Variants in PHEX observed in about 807,000 individuals in gnomAD.
The protein encoded by PHEX is phosphate regulating endopeptidase X-linked, also known as phosphate-regulating neutral endopeptidase PHEX.
In PHEX, 16 loss-of-function variants were observed where a neutral mutation model predicts 68.0. The ratio of observed to expected loss-of-function variants is 0.24; its 90% CI spans 0.16 to 0.36. The LOEUF is 0.36. Ranked by LOEUF, PHEX falls within the 10% of genes least tolerant of loss-of-function variation. The probability of loss-of-function intolerance (pLI) is 1.00; values close to 1 mark genes in which losing one functional copy is unlikely to be tolerated. For missense variants in PHEX, 480 were observed against 575.5 expected (o/e 0.83, Z 1.70); for synonymous variants, 208 against 205.1 (o/e 1.01, Z -0.12).
At chrX:22,229,092 T>A (rs752726321) in intron 20 of PHEX, among the ~76,000 whole-genome samples, 15 of 112,200 alleles carry the variant, frequency 1.3e-4, no homozygotes, top group Non-Finnish European at 2.4e-4. Context: ...CAGTATGCCA[T>A]GGTGTATATG....
At position 22,089,160 on chromosome X, in the gene PHEX, T is replaced by G. The variant is rs1189258801; in HGVS notation, c.664-1269T>G. Among the ~76,000 whole-genome samples, 7 of 111,487 alleles carry G rather than the reference T, an allele frequency of 6.3e-5. No homozygotes were observed. In the Admixed American group the frequency reaches 6.7e-4, roughly 11 times the overall value. ...CCTCAGCTTCCCAAGTAGCTAGAAT[T>G]ACAGGTGCGTGCCGCCACACCTGGC... On this transcript the variant is annotated intron_variant, in intron 5 of 21. Transcript: ENST00000379374.
At chrX:22,117,064 CAGA>C (rs780801951) in intron 11 of PHEX, among the ~76,000 whole-genome samples, 57 of 111,902 alleles carry the variant, frequency 5.1e-4, no homozygotes, top group African/African-American at 1.7e-3. Context: ...ACTGAGGCTC[CAGA>C]AGAAGGTCTT....
intron 9 of PHEX, among the ~76,000 whole-genome samples, chrX:22,100,719 A>G (rs1377408469): frequency 8.9e-6 from 1 of 112,104 alleles, no homozygotes. Flanking sequence ...AGGACCTTTC[A>G]TAACAATGGA....
At chrX:22,242,535 T>A (rs773994913) in intron 20 of PHEX, among the ~76,000 whole-genome samples, 30 of 111,885 alleles carry the variant, frequency 2.7e-4, no homozygotes, top group Non-Finnish European at 4.3e-4. Context: ...AACCCCATCG[T>A]CTCAGCCCAA....
intron 11 of PHEX, among the ~76,000 whole-genome samples, chrX:22,131,905 G>A (rs1932021479): frequency 9.1e-6 from 1 of 110,354 alleles, no homozygotes; most frequent in Non-Finnish European, 1.9e-5. Flanking sequence ...TCCTCACATT[G>A]CTGCCGGTGG....
chrX:22,161,135 C>CAA (rs201162046), intron 12 of PHEX, among the ~76,000 whole-genome samples: 1,189 of 103,339 alleles, frequency 0.012, 16 homozygotes, highest in African/African-American at 0.039. Context: ...GGCTCCACCT[C>CAA]AAAAAAAAAA....
chrX:22,215,204 T>G (rs927113727), intron 16 of PHEX, among the ~76,000 whole-genome samples: 1 of 111,404 alleles, frequency 9.0e-6, no homozygotes, highest in Non-Finnish European at 1.9e-5. Context: ...AGGTCATAGT[T>G]AATACTTGAG....
At chrX:22,211,731 G>C (rs1372144444) in intron 15 of PHEX, among the ~76,000 whole-genome samples, 1 of 112,416 alleles carries the variant, frequency 8.9e-6, no homozygotes, top group Non-Finnish European at 1.9e-5. Flanking sequence ...ACATACCTGA[G>C]ACTGGGTAAT....
chrX:22,078,420 G>T (rs1270521951), intron 5 of PHEX, among the ~76,000 whole-genome samples: 1 of 112,075 alleles, frequency 8.9e-6, no homozygotes, highest in Non-Finnish European at 1.9e-5. Context: ...GCTGGGTTTT[G>T]TTTTGTTTTG....
chrX:22,097,057 G>A lies in PHEX; in HGVS notation c.933+19G>A. 1 of 1,094,440 alleles carries A rather than the reference G, an allele frequency of 9.1e-7. No homozygotes were observed. The highest frequency in any genetic ancestry group is 1.8e-5 in the South Asian group (1 of 54,444). The allele number at this position is 1,094,440 out of a possible 1,213,427, so 90.2% of individuals were successfully genotyped here. ...TCCCCAGGTTGGTGAAAACTATCCA[G>A]AAAACTTTCTCTCAACTCATCATTT... On this transcript the variant is annotated intron_variant, in intron 8 of 21. Coordinates refer to ENST00000379374, the MANE Select transcript of PHEX (RefSeq NM_000444.6).
chrX:22,227,795 C>CTGAT (rs1403712303), intron 20 of PHEX, among the ~76,000 whole-genome samples, 184 bp downstream of exon 20: 5 of 112,400 alleles, frequency 4.4e-5, no homozygotes, highest in African/African-American at 1.6e-4. Context: ...AATTAATTAA[C>CTGAT]TGATTGAATC....
intron 9 of PHEX, among the ~76,000 whole-genome samples, chrX:22,109,543 G>A (rs1930861191): frequency 8.9e-6 from 1 of 111,949 alleles, no homozygotes; most frequent in Non-Finnish European, 1.9e-5. Flanking sequence ...TGTCCACTGT[G>A]TCAGAATGTC....
chrX:22,137,481 TGA>T (rs1179739724), intron 12 of PHEX, among the ~76,000 whole-genome samples: 1 of 111,018 alleles, frequency 9.0e-6, no homozygotes, highest in Non-Finnish European at 1.9e-5. Context: ...AGTGAGGTGG[TGA>T]GAGTTTTCTT....
chrX:22,105,614 C>T lies in PHEX; in HGVS notation c.1080-5853C>T, dbSNP rs765602860. 9.0e-4 allele frequency among the ~76,000 whole-genome samples: 101 copies of T among 111,669 alleles called. 1 individual carries two copies. The highest frequency in any genetic ancestry group is 1.1e-3 in the Non-Finnish European group (61 of 53,176). On this transcript the variant is annotated intron_variant, in intron 9 of 21. Transcript: ENST00000379374. ...CTCACTTCAGATAGTATGACCAAGA[C>T]GAGCAAATGCAAGTTCTGGAATCTG...
intron 8 of PHEX, chrX:22,097,686 G>A: frequency 4.5e-6 from 3 of 659,504 alleles, no homozygotes; most frequent in Non-Finnish European, 5.4e-6. Context: ...GACTTTTAGA[G>A]TAGCCAATCT....
intron 5 of PHEX, among the ~76,000 whole-genome samples, chrX:22,087,341 G>T (rs1422243064): frequency 1.8e-5 from 2 of 111,730 alleles, no homozygotes; most frequent in Non-Finnish European, 3.8e-5. Flanking sequence ...TGGCAGATTG[G>T]GAATTGCAGT....
chrX:22,113,943 CT>C (rs746349559), intron 10 of PHEX, among the ~76,000 whole-genome samples: 6,612 of 63,906 alleles, frequency 0.1, 286 homozygotes, highest in Non-Finnish European at 0.13. Context: ...TCTTCTTCTT[CT>C]TTTTTTTTTT....
In PHEX at chrX:22,101,000, C is replaced by T. The variant is rs774264107; in HGVS notation, c.1079+1849C>T. Among the ~76,000 whole-genome samples, 14 of 109,943 alleles carry T rather than the reference C, an allele frequency of 1.3e-4. No homozygotes were observed. In the East Asian group the frequency reaches 2.9e-3, roughly 23 times the overall value. The stretch of plus-strand genomic sequence containing the variant: ...CAACCTGGCCAACATGGTGAAACCC[C>T]GTCTCTACTTAAAAAAAATACAAAA... On this transcript the variant is annotated intron_variant, in intron 9 of 21. Coordinates refer to ENST00000379374, the MANE Select transcript of PHEX (RefSeq NM_000444.6).
intron 13 of PHEX, among the ~76,000 whole-genome samples, chrX:22,173,525 G>A (rs1385777613): frequency 9.1e-6 from 1 of 109,863 alleles, no homozygotes; most frequent in Non-Finnish European, 1.9e-5. Context: ...AAGTAATTGT[G>A]GTTTTTGCCA....
Sources: allele counts gnomAD v4.1 joint callset (sites outside exome capture counted in the v4.1 genomes callset), GRCh38; gene constraint gnomAD v4.1.1; transcripts MANE v1.5; gene names NCBI Gene and HGNC (gene_info 2026-07-23, HGNC 2026-07-21).